Variants in MICU1 observed in about 807,000 individuals in gnomAD.
MICU1 encodes the protein calcium uptake protein 1, mitochondrial.
In MICU1, 45 loss-of-function variants were observed where a neutral mutation model predicts 56.8. The observed-to-expected ratio is 0.79, with a 90% CI of 0.62 to 1.02. The LOEUF is 1.02. Ranked by LOEUF, MICU1 falls within the 50% of genes least tolerant of loss-of-function variation. The pLI is 0.00. For synonymous variants in MICU1, 186 were observed against 195.1 expected (o/e 0.95, Z 0.39); for missense variants, 504 against 587.1 (o/e 0.86, Z 1.46).
chr10:72,439,749 C>T (rs1289923779), intron 8 of MICU1, among the ~76,000 whole-genome samples: 2 of 152,076 alleles, frequency 1.3e-5, no homozygotes, highest in Non-Finnish European at 2.9e-5. Context: ...CATTCCTATC[C>T]ACCAATAACA....
chr10:72,565,260 C>T (rs1257879248), intron 2 of MICU1, among the ~76,000 whole-genome samples: 1 of 151,842 alleles, frequency 6.6e-6, no homozygotes, highest in African/African-American at 2.4e-5. Context: ...CAATGATAGA[C>T]TGGATTAAGA....
intron 6 of MICU1, among the ~76,000 whole-genome samples, chr10:72,499,870 T>A (rs765294944): frequency 6.6e-6 from 1 of 152,182 alleles, no homozygotes; most frequent in Non-Finnish European, 1.5e-5. Context: ...CCAAGTCACA[T>A]ACACTTTGTG....
At chr10:72,616,910 G>C (rs144949150) in intron 1 of MICU1, among the ~76,000 whole-genome samples, 1 of 152,174 alleles carries the variant, frequency 6.6e-6, no homozygotes, top group Admixed American at 6.5e-5. Flanking sequence ...ATTGTGCTCT[G>C]TCTGGGTTCC....
At chr10:72,618,679 T>A (rs10823937) in intron 1 of MICU1, among the ~76,000 whole-genome samples, 41,476 of 152,112 alleles carry the variant, frequency 0.27, 7,068 homozygotes, top group East Asian at 0.62. Flanking sequence ...GAAACTATCA[T>A]CTCAAACTAG....
chr10:72,389,486 T>C (rs9663480), intron 10 of MICU1, among the ~76,000 whole-genome samples: 66,599 of 151,770 alleles, frequency 0.44, 18,528 homozygotes, highest in Non-Finnish European at 0.64. Flanking sequence ...TTTGTTCTTT[T>C]GGCTTGTCAG....
At chr10:72,378,233 A>T (rs529953290) in intron 10 of MICU1, among the ~76,000 whole-genome samples, 47 of 152,336 alleles carry the variant, frequency 3.1e-4, no homozygotes, top group Middle Eastern at 3.4e-3. Flanking sequence ...AGCCTCGGTT[A>T]CAGAGCGGGA....
intron 2 of MICU1, among the ~76,000 whole-genome samples, chr10:72,564,067 T>C (rs1297819744): frequency 6.6e-6 from 1 of 152,160 alleles, no homozygotes; most frequent in African/African-American, 2.4e-5. Context: ...AATGATATAA[T>C]ACTAAAATTA....
At chr10:72,432,091 T>C (rs1864553562) in intron 8 of MICU1, among the ~76,000 whole-genome samples, 1 of 149,670 alleles carries the variant, frequency 6.7e-6, no homozygotes, top group Admixed American at 6.7e-5. Context: ...TATTGCCTTT[T>C]TTTTTTTTTT....
At chr10:72,572,184 G>A (rs1589354819) in intron 1 of MICU1, among the ~76,000 whole-genome samples, 1 of 152,192 alleles carries the variant, frequency 6.6e-6, no homozygotes, top group African/African-American at 2.4e-5. Flanking sequence ...GTGAGCTTAG[G>A]GTTCCTTTTA....
chr10:72,551,472 T>C, intron 3 of MICU1, 131 bp from the exon 4 acceptor site: 2 of 599,620 alleles, frequency 3.3e-6, no homozygotes, highest in Non-Finnish European at 2.5e-6. Context: ...ATCATTTTTT[T>C]CTATACTTAG....
chr10:72,438,374 GA>G (rs1489424506), intron 8 of MICU1, among the ~76,000 whole-genome samples: 3 of 152,220 alleles, frequency 2.0e-5, no homozygotes, highest in Non-Finnish European at 4.4e-5. Flanking sequence ...CAGCATACCA[GA>G]ATCTCTGGGA....
chr10:72,498,656 T>C (rs572291874), intron 6 of MICU1, among the ~76,000 whole-genome samples: 2 of 152,288 alleles, frequency 1.3e-5, no homozygotes, highest in South Asian at 4.1e-4. Context: ...GGCTTTCCTT[T>C]CTGAGAGCCT....
intron 8 of MICU1, among the ~76,000 whole-genome samples, chr10:72,464,367 C>A (rs2065812): frequency 6.6e-6 from 1 of 150,516 alleles, no homozygotes; most frequent in Non-Finnish European, 1.5e-5. Context: ...TGCTCGCACG[C>A]GCACACACGT....
chr10:72,519,317 C>A (rs1489614221), intron 5 of MICU1, among the ~76,000 whole-genome samples: 1 of 152,162 alleles, frequency 6.6e-6, no homozygotes, highest in Non-Finnish European at 1.5e-5. Context: ...GTTATAGGTA[C>A]AGTATCACCA....
chr10:72,584,083 G>A (rs1840979176), intron 1 of MICU1, among the ~76,000 whole-genome samples: 1 of 152,168 alleles, frequency 6.6e-6, no homozygotes, highest in Non-Finnish European at 1.5e-5. Flanking sequence ...ATTTGAGACA[G>A]AAGCTTTGCA....
intron 3 of MICU1, among the ~76,000 whole-genome samples, chr10:72,557,378 G>A (rs1165234139): frequency 1.3e-5 from 2 of 152,150 alleles, no homozygotes; most frequent in Admixed American, 1.3e-4. Flanking sequence ...CCCTGTGGGG[G>A]CTTTAGGAGC....
At chr10:72,623,056 G>T (rs1842140717) in intron 1 of MICU1, among the ~76,000 whole-genome samples, 1 of 151,778 alleles carries the variant, frequency 6.6e-6, no homozygotes, top group East Asian at 1.9e-4. Context: ...ATCACTTGAG[G>T]TCAGGGGTTC....
intron 8 of MICU1, among the ~76,000 whole-genome samples, chr10:72,430,116 T>C (rs1864478558): frequency 6.6e-6 from 1 of 152,208 alleles, no homozygotes; most frequent in Admixed American, 6.5e-5. Context: ...TTAACTTTTC[T>C]TAAAAGAAAG....
intron 10 of MICU1, among the ~76,000 whole-genome samples, chr10:72,380,191 ACTG>A (rs2132045061): frequency 6.6e-6 from 1 of 152,296 alleles, no homozygotes; most frequent in Admixed American, 6.5e-5. Flanking sequence ...GATGATGCTG[ACTG>A]ATGGTTGGGA....
Sources: gnomAD v4.1 joint callset for allele counts (sites outside exome capture counted in the v4.1 genomes callset) on GRCh38, gnomAD v4.1.1 for gene constraint, MANE v1.5 for transcripts, NCBI Gene and HGNC (gene_info 2026-07-23, HGNC 2026-07-21) for gene names.